VPS41: variants seen among roughly 807,000 people sequenced by gnomAD.
VPS41 encodes the protein vacuolar protein sorting-associated protein 41 homolog.
VPS41 carries 85 observed loss-of-function variants against 130.9 expected under a neutral mutation model. The observed-to-expected ratio is 0.65, with a 90% CI of 0.55 to 0.78. VPS41 has a LOEUF of 0.78. Among genes scored for constraint, VPS41 ranks in the 30% least tolerant of loss-of-function variants. The pLI, the probability that VPS41 is intolerant of heterozygous loss-of-function variation, is 0.00. For missense variants in VPS41, 874 were observed against 1,018.7 expected (o/e 0.86, Z 1.93); for synonymous variants, 335 against 332.9 (o/e 1.01, Z -0.07).
At chr7:38,736,294 G>T (rs1379464032) in intron 25 of VPS41, among the ~76,000 whole-genome samples, 1 of 152,208 alleles carries the variant, frequency 6.6e-6, no homozygotes, top group African/African-American at 2.4e-5. Context: ...TCCTTCCCAA[G>T]AGAGTCTCAT....
chr7:38,834,687 TA>T (rs1249713569), intron 4 of VPS41, among the ~76,000 whole-genome samples: 4 of 152,162 alleles, frequency 2.6e-5, no homozygotes, highest in Non-Finnish European at 5.9e-5. Flanking sequence ...AAATAAACAT[TA>T]AAAATTTAAG....
intron 1 of VPS41, among the ~76,000 whole-genome samples, chr7:38,907,136 G>A (rs917321): frequency 0.26 from 38,986 of 151,734 alleles, 6,421 homozygotes; most frequent in Non-Finnish European, 0.38. Context: ...CACATTATAG[G>A]GAAAAATAAT....
chr7:38,789,818 C>G lies in VPS41; in HGVS notation c.767G>C (p.Ser256Thr). ...RHASEMRDLP[S>T]RYVEIVSQFE... ...AGCCATACCTATTTCAACATATCGA[C>G]TTGGCAAATCCCTCATTTCACTGGC... The change falls in exon 10 of 29, where the codon AGT becomes ACT. Residue 256 changes from serine (S) to threonine (T), a missense_variant. Transcript: ENST00000310301. 1 of 1,613,758 alleles carries G rather than the reference C, an allele frequency of 6.2e-7. No homozygotes were observed. Among genetic ancestry groups the G allele is most frequent in the Non-Finnish European group, 8.5e-7 (1 of 1,179,722 alleles).
chr7:38,880,461 T>A (rs1786580861), intron 2 of VPS41, among the ~76,000 whole-genome samples: 1 of 152,190 alleles, frequency 6.6e-6, no homozygotes, highest in South Asian at 2.1e-4. Flanking sequence ...CTCTCCTGGA[T>A]GCCTGTAAAG....
chr7:38,907,970 A>G (rs1055662961), intron 1 of VPS41, among the ~76,000 whole-genome samples: 3 of 152,216 alleles, frequency 2.0e-5, no homozygotes, highest in African/African-American at 7.2e-5. Flanking sequence ...CTAGTGTTAG[A>G]TAAGAGACTT....
intron 5 of VPS41, among the ~76,000 whole-genome samples, chr7:38,822,813 C>T (rs185262646): frequency 3.3e-5 from 5 of 152,200 alleles, no homozygotes; most frequent in Admixed American, 6.5e-5. Flanking sequence ...GTTTGTGTTC[C>T]CCCAAATTCA....
At chr7:38,809,927 A>C (rs761958232) in intron 7 of VPS41, among the ~76,000 whole-genome samples, 2 of 152,216 alleles carry the variant, frequency 1.3e-5, no homozygotes, top group Non-Finnish European at 2.9e-5. Context: ...CAATTAAAAA[A>C]AAAAATCCAG....
At chr7:38,866,875 GAAGA>G (rs879542917) in intron 3 of VPS41, among the ~76,000 whole-genome samples, 5 of 152,274 alleles carry the variant, frequency 3.3e-5, no homozygotes, top group African/African-American at 9.6e-5. Context: ...GAAGTTTTGA[GAAGA>G]AAGGTGAGAT....
At chr7:38,743,692 C>G in intron 23 of VPS41, 150 bp from the exon 24 acceptor site, 1 of 867,800 alleles carries the variant, frequency 1.2e-6, no homozygotes, top group Non-Finnish European at 1.7e-6. Context: ...CTGTCTATAA[C>G]ATAGCAAAAT....
chr7:38,743,439 C>T lies in VPS41; in HGVS notation c.2085G>A (p.Leu695=), dbSNP rs1584368837. The change falls in exon 24 of 29, where the codon CTG becomes CTA. Residue 695 remains leucine, a synonymous_variant. Coordinates refer to ENST00000310301, the MANE Select transcript of VPS41 (RefSeq NM_014396.4). ...EFAKEQDDGE[L]WEDLILYSID... is the part of the protein sequence containing the mutation. ...TGGAATATAAAATCAAATCTTCCCA[C>T]AGCTCTCCATCATCTTGCTCCTTGG... The T allele has an allele frequency of 1.2e-6, 2 of 1,613,988 alleles. No individual in the cohort carries two copies. The highest frequency in any genetic ancestry group is 8.5e-7 in the Non-Finnish European group (1 of 1,179,892).
rs746016119 is a variant in VPS41, at chr7:38,757,008, A to ATAT, written c.1551-29_1551-27dup. 4 of 1,535,770 alleles carry ATAT rather than the reference A, an allele frequency of 2.6e-6. No homozygotes were observed. The East Asian group carries it at 9.1e-5, about 35-fold the overall frequency. On this transcript the variant is annotated intron_variant, in intron 18 of 28. Coordinates refer to ENST00000310301, the MANE Select transcript of VPS41 (RefSeq NM_014396.4). ...CTGGTAATACAAATTTTTTACATTA[A>ATAT]TATTCATCAACAGTTCTAATTAAAA...
At chr7:38,778,759 G>C (rs1784305378) in intron 10 of VPS41, among the ~76,000 whole-genome samples, 1 of 152,144 alleles carries the variant, frequency 6.6e-6, no homozygotes, top group East Asian at 1.9e-4. Flanking sequence ...AATCACAAAA[G>C]AAGGGGTGGG....
intron 7 of VPS41, among the ~76,000 whole-genome samples, chr7:38,802,338 C>A (rs959313945): frequency 3.3e-5 from 5 of 152,136 alleles, no homozygotes; most frequent in African/African-American, 1.2e-4. Context: ...ACCTGCCTGG[C>A]CCCGTCGAAC....
chr7:38,819,247 T>C (rs1785118871), intron 6 of VPS41, among the ~76,000 whole-genome samples: 1 of 152,254 alleles, frequency 6.6e-6, no homozygotes, highest in African/African-American at 2.4e-5. Flanking sequence ...ACTTCCTTCA[T>C]GCCTGTTTCA....
At chr7:38,729,075 C>T (rs1795606957) in intron 25 of VPS41, among the ~76,000 whole-genome samples, 3 of 152,174 alleles carry the variant, frequency 2.0e-5, no homozygotes. Context: ...CAAAGTCTGG[C>T]AAAGAAGGCC....
chr7:38,805,759 G>A (rs1784828557), intron 7 of VPS41, among the ~76,000 whole-genome samples: 1 of 152,024 alleles, frequency 6.6e-6, no homozygotes, highest in Non-Finnish European at 1.5e-5. Flanking sequence ...ACATCTACAT[G>A]GTAACATATG....
At chr7:38,883,609 T>C (rs1374170622) in intron 2 of VPS41, among the ~76,000 whole-genome samples, 1 of 152,222 alleles carries the variant, frequency 6.6e-6, no homozygotes, top group Non-Finnish European at 1.5e-5. Context: ...AATACTTGTG[T>C]ATCCTAGCAT....
intron 8 of VPS41, among the ~76,000 whole-genome samples, chr7:38,796,089 A>T (rs1309902950): frequency 6.6e-6 from 1 of 152,224 alleles, no homozygotes; most frequent in Non-Finnish European, 1.5e-5. Context: ...GCTTTGTTTT[A>T]CCTTCATCGT....
At chr7:38,825,003 C>T (rs750086514) in intron 5 of VPS41, among the ~76,000 whole-genome samples, 3 of 152,040 alleles carry the variant, frequency 2.0e-5, no homozygotes, top group Non-Finnish European at 4.4e-5. Context: ...ATTAAAAATG[C>T]ATATTGAAGG....
Sources: allele counts gnomAD v4.1 joint callset (sites outside exome capture counted in the v4.1 genomes callset), GRCh38; gene constraint gnomAD v4.1.1; transcripts MANE v1.5; gene names NCBI Gene and HGNC (gene_info 2026-07-23, HGNC 2026-07-21).